Variants in PPP3CA observed in about 807,000 individuals in gnomAD.
PPP3CA encodes protein phosphatase 3 catalytic subunit alpha.
In PPP3CA, 14 loss-of-function variants were observed where a neutral mutation model predicts 66.5. The observed-to-expected ratio is 0.21, with a 90% confidence interval of 0.14 to 0.33. The LOEUF (loss-of-function observed/expected upper bound fraction) is 0.33. PPP3CA is among the 10% of genes least tolerant of loss of function. PPP3CA has a pLI of 1.00. For missense variants in PPP3CA, 317 were observed against 639.5 expected (o/e 0.50, Z 5.44); for synonymous variants, 232 against 226.2 (o/e 1.03, Z -0.23).
chr4:101,108,649 C>G (rs1721530438), intron 3 of PPP3CA, among the ~76,000 whole-genome samples: 2 of 152,190 alleles, frequency 1.3e-5, no homozygotes, highest in African/African-American at 4.8e-5. Flanking sequence ...GCGTGTAATC[C>G]CAGCTACTCA....
At chr4:101,143,825 C>A (rs992441937) in intron 2 of PPP3CA, among the ~76,000 whole-genome samples, 3 of 152,170 alleles carry the variant, frequency 2.0e-5, no homozygotes, top group African/African-American at 7.2e-5. Context: ...ACAGCTGTTA[C>A]AACTGGGTGG....
intron 1 of PPP3CA, among the ~76,000 whole-genome samples, chr4:101,242,752 C>A (rs1726353074): frequency 6.6e-6 from 1 of 152,088 alleles, no homozygotes; most frequent in African/African-American, 2.4e-5. Context: ...CATAGCAAGA[C>A]CCCTGTCTCT....
chr4:101,124,717 GAAAGAAAGAGAAAGAAAGAA>G (rs1722161368), intron 2 of PPP3CA, among the ~76,000 whole-genome samples: 337 of 80,388 alleles, frequency 4.2e-3, no homozygotes, highest in Non-Finnish European at 5.6e-3. Flanking sequence ...AAGAAAGAAA[GAAAGAAAGAGAAAGAAAGAA>G]AGAAAGAAAG....
intron 8 of PPP3CA, among the ~76,000 whole-genome samples, chr4:101,065,972 A>C (rs923193916): frequency 3.9e-5 from 6 of 152,120 alleles, no homozygotes; most frequent in African/African-American, 7.2e-5. Context: ...TTATTTACTG[A>C]GTATCTGATA....
intron 8 of PPP3CA, among the ~76,000 whole-genome samples, chr4:101,071,555 A>C (rs1270888373): frequency 6.6e-6 from 1 of 152,220 alleles, no homozygotes; most frequent in Non-Finnish European, 1.5e-5. Context: ...AGTTCAACTG[A>C]AGAATCAACT....
chr4:101,346,786 G>T lies in PPP3CA; in HGVS notation c.11C>A (p.Pro4His), dbSNP rs749627735. 1 of 1,611,380 alleles carries T rather than the reference G, an allele frequency of 6.2e-7. No homozygotes were observed. The highest frequency in any genetic ancestry group is 1.7e-4 in the Middle Eastern group (1 of 6,058). MSE[P>H]KAIDPKLSTT... ...CGACAACTTGGGATCAATTGCCTTG[G>T]GCTCGGACATCTCCAGCTGCCGGAG... Residue 4 changes from proline to histidine, a missense_variant, in exon 1 of 14, where the codon CCC (proline) becomes CAC (histidine). Around this residue, in one of 3 missense-constraint regions of PPP3CA, gnomAD observed 76 missense variants for 99.5 expected, o/e 0.76. Transcript: ENST00000394854.
intron 6 of PPP3CA, among the ~76,000 whole-genome samples, chr4:101,091,091 G>A (rs993266711): frequency 1.3e-5 from 2 of 151,962 alleles, no homozygotes; most frequent in African/African-American, 4.8e-5. Context: ...CAGCTGACAC[G>A]AAAACGAATA....
At chr4:101,050,343 C>T (rs1015040823) in intron 10 of PPP3CA, among the ~76,000 whole-genome samples, 1 of 152,050 alleles carries the variant, frequency 6.6e-6, no homozygotes, top group African/African-American at 2.4e-5. Context: ...TTCTCCACTT[C>T]TCTTAAGACA....
At chr4:101,227,520 G>A (rs1315946443) in intron 1 of PPP3CA, among the ~76,000 whole-genome samples, 1 of 151,714 alleles carries the variant, frequency 6.6e-6, no homozygotes, top group Non-Finnish European at 1.5e-5. Flanking sequence ...GGTGCTTAGA[G>A]GAGAGTGAAC....
intron 6 of PPP3CA, among the ~76,000 whole-genome samples, chr4:101,089,216 G>A (rs1190198383): frequency 6.6e-6 from 1 of 151,754 alleles, no homozygotes; most frequent in Non-Finnish European, 1.5e-5. Flanking sequence ...GTTCCTAGAG[G>A]AAAGTGTGAA....
At chr4:101,172,556 A>G (rs1723919454) in intron 2 of PPP3CA, among the ~76,000 whole-genome samples, 1 of 152,078 alleles carries the variant, frequency 6.6e-6, no homozygotes, top group Non-Finnish European at 1.5e-5. Context: ...TGTTTTCCTC[A>G]CTTTCCTTTC....
chr4:101,334,489 G>C (rs753694833), intron 1 of PPP3CA, among the ~76,000 whole-genome samples: 148 of 152,118 alleles, frequency 9.7e-4, no homozygotes, highest in Non-Finnish European at 1.7e-3. Context: ...AAGCATGAAA[G>C]TTAACTCTCA....
Position 101,196,016 on chromosome 4 carries a change from C to T in PPP3CA, c.159G>A (p.Glu53=). The T allele has an allele frequency of 6.2e-7, 1 of 1,614,022 alleles. No individual in the cohort carries two copies. The highest frequency in any genetic ancestry group is 1.1e-5 in the South Asian group (1 of 91,078). The stretch of plus-strand genomic sequence containing the variant: ...ATGCAACACTCTCTTCCAGCCTTCC[C>T]TCCTTCATAAGATGCGCCTTTAAGA... The part of the protein sequence containing the change: ...VDILKAHLMK[E]GRLEESVALR... Residue 53 remains glutamate, a synonymous_variant, in exon 2 of 14, where the codon GAG becomes GAA. Coordinates refer to ENST00000394854, the MANE Select transcript of PPP3CA (RefSeq NM_000944.5).
intron 1 of PPP3CA, among the ~76,000 whole-genome samples, chr4:101,278,144 A>AAT (rs1727569487): frequency 1.4e-5 from 2 of 145,176 alleles, no homozygotes; most frequent in African/African-American, 5.2e-5. Context: ...AAAAAATAAA[A>AAT]AAATTAAAAA....
At chr4:101,343,232 G>A (rs1163206648) in intron 1 of PPP3CA, among the ~76,000 whole-genome samples, 2 of 152,148 alleles carry the variant, frequency 1.3e-5, no homozygotes, top group Non-Finnish European at 2.9e-5. Flanking sequence ...AGGGAAGGTA[G>A]GTTAAGAGAT....
In PPP3CA at chr4:101,026,064, A is replaced by T; in HGVS notation, c.1370-3T>A. 6.3e-7 allele frequency: 1 copy of T among 1,579,684 alleles called. No individual in the cohort carries two copies. The highest frequency in any genetic ancestry group is 1.4e-5 in the African/African-American group (1 of 73,042). On this transcript the variant is annotated splice_region_variant and splice_polypyrimidine_tract_variant and intron_variant, in intron 13 of 13. Transcript: ENST00000394854. ...TTGTGGTGAAAATCCTTTGATAGCT[A>T]AACAGAAAATCATTAAAAAAAGAAA...
chr4:101,090,979 T>C (rs1477688207), intron 6 of PPP3CA, among the ~76,000 whole-genome samples: 1 of 150,670 alleles, frequency 6.6e-6, no homozygotes, highest in Admixed American at 6.6e-5. Context: ...TATTATAATA[T>C]ACACACATAA....
At chr4:101,219,733 T>C (rs1725565445) in intron 1 of PPP3CA, among the ~76,000 whole-genome samples, 1 of 151,818 alleles carries the variant, frequency 6.6e-6, no homozygotes, top group African/African-American at 2.4e-5. Flanking sequence ...TACTGTCATC[T>C]TGGGAGAGGC....
intron 2 of PPP3CA, among the ~76,000 whole-genome samples, chr4:101,111,758 A>G (rs1329111680): frequency 6.6e-6 from 1 of 152,162 alleles, no homozygotes; most frequent in African/African-American, 2.4e-5. Flanking sequence ...GGTACCTTAC[A>G]TTATTGGGCT....
Sources: allele counts gnomAD v4.1 joint callset (sites outside exome capture counted in the v4.1 genomes callset), GRCh38; gene constraint gnomAD v4.1.1; regional missense constraint gnomAD v4.1.1; transcripts MANE v1.5; gene names NCBI Gene and HGNC (gene_info 2026-07-23, HGNC 2026-07-21).